The following COX8C variants were observed in gnomAD, a reference collection of about 807,000 sequenced individuals.
COX8C encodes cytochrome c oxidase subunit 8C.
COX8C carries 3 observed loss-of-function variants against 3.5 expected under a neutral mutation model. That is an observed-to-expected ratio of 0.86 (90% CI 0.39 to 2.24). The LOEUF (loss-of-function observed/expected upper bound fraction) is 2.24, where lower values mean the gene tolerates loss of function less well. COX8C is among the 30% of genes most tolerant of loss of function. The pLI is 0.05. For missense variants in COX8C, 113 were observed against 102.5 expected, an observed-to-expected ratio of 1.10 and a Z score of -0.44; for synonymous variants, 46 against 44.1, an observed-to-expected ratio of 1.04 and a Z score of -0.17.
chr14:93,347,844 T>C (rs66526709), intron 1 of COX8C, among the ~76,000 whole-genome samples, 184 bp from the exon 2 acceptor site: 19,507 of 149,198 alleles, frequency 0.13, 1,651 homozygotes, highest in African/African-American at 0.25. Context: ...AGATGAAAAA[T>C]GAATTAAAAA....
At position 93,347,410 on chromosome 14, in the gene COX8C, G is replaced by A; in HGVS notation, c.126+16G>A. The A allele has an allele frequency of 6.7e-7, 1 of 1,482,134 alleles. No homozygotes were observed. The highest frequency in any genetic ancestry group is 2.5e-5 in the Admixed American group (1 of 40,796). The allele number at this position is 1,482,134 out of a possible 1,614,324, so 91.8% of individuals were successfully genotyped here. ...GTCTGCCGCGGTGAGTTGAGGCCCA[G>A]CCATCATGGTGGGCGGGAAGCGCGT... On this transcript the variant is annotated intron_variant, in intron 1 of 1. Coordinates refer to ENST00000342144, the MANE Select transcript of COX8C (RefSeq NM_182971.3).
rs2053911287 is a variant in COX8C at position 93,348,307 on chromosome 14, G to A, written c.*187G>A. On this transcript the variant is annotated 3_prime_UTR_variant, in exon 2 of 2. Transcript: ENST00000342144. ...ATTATATAGATGTATAGTCAAAAATGTTCTGCTTAAGTGTTAAATAAAACG... is the reference window on the plus strand; with the variant it reads ...ATTATATAGATGTATAGTCAAAAATATTCTGCTTAAGTGTTAAATAAAACG... The A allele has an allele frequency of 2.0e-6, 1 of 491,460 alleles. No homozygotes were observed. The highest frequency in any genetic ancestry group is 2.0e-5 in the African/African-American group (1 of 50,982). The allele number at this position is 491,460 out of a possible 1,614,324, so 30.4% of individuals were successfully genotyped here. A position where few individuals can be genotyped will look rare whatever the true frequency, so the allele number is the denominator to read the frequency against.
rs762425623 is a variant in COX8C, at chr14:93,347,253, T to G, written c.-16T>G. The G allele has an allele frequency of 2.5e-6, 4 of 1,592,828 alleles. No individual in the cohort carries two copies. In the East Asian group the frequency reaches 9.0e-5, roughly 36 times the overall value. On this transcript the variant is annotated 5_prime_UTR_variant, in exon 1 of 2. Coordinates refer to ENST00000342144, the MANE Select transcript of COX8C (RefSeq NM_182971.3). ...CCTGTGCTGTCCACGCCTGGCTTTGTCTCACCTGACGCGATATGCCTCTCC... is the reference window on the plus strand; with the variant it reads ...CCTGTGCTGTCCACGCCTGGCTTTGGCTCACCTGACGCGATATGCCTCTCC...
In COX8C at chr14:93,348,188, C is replaced by G. The variant is rs1047640581; in HGVS notation, c.*68C>G. 10 of 953,194 alleles carry G rather than the reference C, an allele frequency of 1.0e-5. 2 individuals carry two copies. In the South Asian group the frequency reaches 1.2e-4, roughly 11 times the overall value. The allele number at this position is 953,194 out of a possible 1,614,324, so 59.0% of individuals were successfully genotyped here. A position where few individuals can be genotyped will look rare whatever the true frequency, so the allele number is the denominator to read the frequency against. ...TCAGAAAAAGCTGTGTTTTTGTTAA[C>G]GAGCAAAATTGCCTAGTTGAGTTGA... On this transcript the variant is annotated 3_prime_UTR_variant, in exon 2 of 2. Transcript: ENST00000342144.
rs1407532759 is a variant in COX8C, at chr14:93,347,430, G to T, written c.126+36G>T. 5.5e-6 allele frequency: 8 copies of T among 1,446,234 alleles called. No individual in the cohort carries two copies. In the African/African-American group the frequency reaches 1.2e-4, roughly 21 times the overall value. 89.6% of individuals were successfully genotyped at this position (1,446,234 alleles called of 1,614,324 possible). Reference sequence around the variant, plus strand: ...GCCCAGCCATCATGGTGGGCGGGAAGCGCGTGGCCCTGGCGGGGCGCCCCG... The same window carrying T: ...GCCCAGCCATCATGGTGGGCGGGAATCGCGTGGCCCTGGCGGGGCGCCCCG... On this transcript the variant is annotated intron_variant, in intron 1 of 1. Transcript: ENST00000342144.
Position 93,347,382 on chromosome 14 carries a change from C to T in COX8C, c.114C>T (p.Pro38=), listed in dbSNP as rs1032373852. Residue 38 remains proline, a synonymous_variant, in exon 1 of 2, where the codon CCC becomes CCT. Coordinates refer to ENST00000342144, the MANE Select transcript of COX8C (RefSeq NM_182971.3). ...ACTCGGGGCCCCCGCGCCAGCGGCC[C>T]CTGTCTGCCGCGGTGAGTTGAGGCC... ...FAHSGPPRQR[P]LSAAEMAVGL... 5.0e-5 allele frequency: 78 copies of T among 1,549,302 alleles called. No homozygotes were observed. The highest frequency in any genetic ancestry group is 9.6e-5 in the African/African-American group (7 of 72,864).
At chr14:93,347,481 G>A in intron 1 of COX8C, 87 bp downstream of exon 1, 6 of 1,346,340 alleles carry the variant, frequency 4.5e-6, no homozygotes, top group Non-Finnish European at 5.7e-6. Context: ...GGAGGACACG[G>A]CGTGCAGGCC....
In COX8C at chr14:93,347,358, C is replaced by G; in HGVS notation, c.90C>G (p.His30Gln). Residue 30 changes from histidine to glutamine, a missense_variant, in exon 1 of 2, where the codon CAC (histidine) becomes CAG (glutamine). Transcript: ENST00000342144. ...TGCAGCCCGCTCCCCGCTTCGCCCA[C>G]TCGGGGCCCCCGCGCCAGCGGCCCC... The part of the protein sequence containing the change: ...LGLQPAPRFA[H>Q]SGPPRQRPLS... 6.3e-7 allele frequency: 1 copy of G among 1,586,364 alleles called. No individual in the cohort carries two copies. The highest frequency in any genetic ancestry group is 1.1e-5 in the South Asian group (1 of 89,622).
Position 93,348,078 on chromosome 14 carries a change from T to C in COX8C, c.177T>C (p.Ala59=), listed in dbSNP as rs1259559518. Residue 59 remains alanine (A), a synonymous_variant, in exon 2 of 2, where the codon GCT becomes GCC. Coordinates refer to ENST00000342144, the MANE Select transcript of COX8C (RefSeq NM_182971.3). ...VVFFTTFLTP[A]AYVLGNLKQF... The stretch of plus-strand genomic sequence containing the variant: ...TTTTTACGACCTTCTTAACACCAGC[T>C]GCATATGTGCTAGGCAACCTGAAGC... The C allele has an allele frequency of 6.2e-7, 1 of 1,612,966 alleles. No individual in the cohort carries two copies. Among genetic ancestry groups the C allele is most frequent in the Non-Finnish European group, 8.5e-7 (1 of 1,178,900 alleles).
chr14:93,347,332 C>CT lies in COX8C; in HGVS notation c.65dup (p.Gln23AlafsTer55). On this transcript the variant is annotated frameshift_variant, in exon 1 of 2. Transcript: ENST00000342144. LOFTEE classifies it high-confidence loss of function. ...CTACCGCCGCTTGGCCCTGCTCGGC[C>CT]TGCAGCCCGCTCCCCGCTTCGCCCA... 6.2e-7 allele frequency: 1 copy of CT among 1,601,764 alleles called. No homozygotes were observed. The highest frequency in any genetic ancestry group is 1.3e-5 in the African/African-American group (1 of 74,726).
In COX8C at chr14:93,348,106, T is replaced by C. The variant is rs948046442; in HGVS notation, c.205T>C (p.Phe69Leu). 9 of 1,602,496 alleles carry C rather than the reference T, an allele frequency of 5.6e-6. No individual in the cohort carries two copies. The highest frequency in any genetic ancestry group is 7.7e-6 in the Non-Finnish European group (9 of 1,169,398). Residue 69 changes from phenylalanine (F) to leucine (L), a missense_variant, in exon 2 of 2, where the codon TTC becomes CTC. Phe to Leu is a conservative substitution (Grantham distance 22). Coordinates refer to ENST00000342144, the MANE Select transcript of COX8C (RefSeq NM_182971.3). ...AAYVLGNLKQ[F>L]RRN The stretch of plus-strand genomic sequence containing the variant: ...ATATGTGCTAGGCAACCTGAAGCAG[T>C]TCAGAAGGAATTAGATGGAAGATGA...
chr14:93,347,427 G>T (rs1485115506), intron 1 of COX8C, 33 bp downstream of exon 1: 2 of 1,457,418 alleles, frequency 1.4e-6, no homozygotes, highest in Non-Finnish European at 9.0e-7. Flanking sequence ...TGGTGGGCGG[G>T]AAGCGCGTGG....
rs1372728262 is a variant in COX8C at position 93,347,391 on chromosome 14, C to T, written c.123C>T (p.Ala41=). The T allele has an allele frequency of 1.2e-5, 18 of 1,533,348 alleles. No homozygotes were observed. Among genetic ancestry groups the T allele is most frequent in the Admixed American group, 2.1e-5 (1 of 48,660 alleles). 95.0% of individuals were successfully genotyped at this position (1,533,348 alleles called of 1,614,324 possible). ...SGPPRQRPLS[A]AEMAVGLVVF... is the part of the protein sequence containing the mutation. The stretch of plus-strand genomic sequence containing the variant: ...CCCCGCGCCAGCGGCCCCTGTCTGC[C>T]GCGGTGAGTTGAGGCCCAGCCATCA... The change falls in exon 1 of 2, where the codon GCC becomes GCT. Residue 41 remains alanine (A), a synonymous_variant. Transcript: ENST00000342144.
intron 1 of COX8C, 64 bp downstream of exon 1, chr14:93,347,458 G>A (rs1165189331): frequency 2.9e-6 from 4 of 1,384,792 alleles, no homozygotes; most frequent in African/African-American, 1.5e-5. Flanking sequence ...GCGCCCCGAC[G>A]GGTGGGGAGA....
Position 93,347,315 on chromosome 14 carries a change from G to A in COX8C, c.47G>A (p.Arg16His), listed in dbSNP as rs755952756. The change falls in exon 1 of 2, where the codon CGC (arginine) becomes CAC (histidine). Residue 16 changes from arginine (R) to histidine (H), a missense_variant. Physicochemically the swap from Arg to His is conservative, Grantham distance 29. Transcript: ENST00000342144. ...TGTCCTGCCCGCCGCCACTACCGCC[G>A]CTTGGCCCTGCTCGGCCTGCAGCCC... ...GRCPARRHYR[R>H]LALLGLQPAP... is the part of the protein sequence containing the mutation. The A allele has an allele frequency of 7.5e-6, 12 of 1,604,848 alleles. No individual in the cohort carries two copies. Among genetic ancestry groups the A allele is most frequent in the Admixed American group, 5.0e-5 (3 of 59,790 alleles).
rs1057089675 is a variant in COX8C, at chr14:93,347,197, A to G, written c.-72A>G. 5 of 1,500,260 alleles carry G rather than the reference A, an allele frequency of 3.3e-6. No individual in the cohort carries two copies. The highest frequency in any genetic ancestry group is 1.8e-4 in the Middle Eastern group (1 of 5,594). The allele number at this position is 1,500,260 out of a possible 1,614,324, so 92.9% of individuals were successfully genotyped here. On this transcript the variant is annotated 5_prime_UTR_variant, in exon 1 of 2. Transcript: ENST00000342144. The stretch of plus-strand genomic sequence containing the variant: ...TGCGCAAACCAGCTGCCTCACGAGC[A>G]CTGGAGCTTGCGTTACTTGGCCTCA...
intron 1 of COX8C, 25 bp downstream of exon 1, chr14:93,347,419 G>A: frequency 2.7e-6 from 4 of 1,475,142 alleles, no homozygotes; most frequent in Non-Finnish European, 3.6e-6. Flanking sequence ...AGCCATCATG[G>A]TGGGCGGGAA....
Position 93,347,961 on chromosome 14 carries a change from T to C in COX8C, c.127-67T>C. The C allele has an allele frequency of 5.2e-6, 5 of 958,140 alleles. No individual in the cohort carries two copies. The Admixed American group carries it at 8.9e-5, about 17-fold the overall frequency. The allele number at this position is 958,140 out of a possible 1,614,324, so 59.4% of individuals were successfully genotyped here. On this transcript the variant is annotated intron_variant, in intron 1 of 1. Transcript: ENST00000342144. ...CTCAAAATGTTTTTTTTAAGCACTT[T>C]TTGTTAGGCAGCAAGTCACTGGCCT...
At chr14:93,347,823 G>A (rs2053894256) in intron 1 of COX8C, among the ~76,000 whole-genome samples, 1 of 151,494 alleles carries the variant, frequency 6.6e-6, no homozygotes, top group Non-Finnish European at 1.5e-5. Flanking sequence ...GGTTGGAACC[G>A]GAGACCCCTT....
Sources: gnomAD v4.1 joint callset for allele counts (sites outside exome capture counted in the v4.1 genomes callset) on GRCh38, gnomAD v4.1.1 for gene constraint, MANE v1.5 for transcripts, NCBI Gene and HGNC (gene_info 2026-07-23, HGNC 2026-07-21) for gene names.